Variants in MCC observed in about 807,000 individuals in gnomAD.
The protein encoded by MCC is colorectal mutant cancer protein.
A neutral mutation model predicts 116.2 loss-of-function variants in MCC; 90 were observed. That is an observed-to-expected ratio of 0.77 (90% confidence interval 0.65 to 0.92). MCC has a LOEUF of 0.92. Ranked by LOEUF, MCC falls within the 40% of genes least tolerant of loss-of-function variation. MCC has a pLI of 0.00. For synonymous variants in MCC, 578 were observed against 510.5 expected (o/e 1.13, Z -1.78); for missense variants, 1,516 against 1,312.2 (o/e 1.16, Z -2.40).
intron 11 of MCC, among the ~76,000 whole-genome samples, chr5:113,077,441 A>C (rs1408937423): frequency 1.3e-5 from 2 of 152,366 alleles, no homozygotes; most frequent in African/African-American, 4.8e-5. Flanking sequence ...AAGAATAGAA[A>C]TTATAACAAA....
At chr5:113,449,363 G>T (rs1389116492) in intron 1 of MCC, among the ~76,000 whole-genome samples, 1 of 152,150 alleles carries the variant, frequency 6.6e-6, no homozygotes, top group Non-Finnish European at 1.5e-5. Flanking sequence ...AAGGTGGTTG[G>T]GGAAAGGAAG....
At chr5:113,370,513 G>C (rs1768812254) in intron 2 of MCC, among the ~76,000 whole-genome samples, 1 of 152,122 alleles carries the variant, frequency 6.6e-6, no homozygotes, top group South Asian at 2.1e-4. Flanking sequence ...ACATAGACTA[G>C]ATAGTCTGAT....
intron 3 of MCC, among the ~76,000 whole-genome samples, chr5:113,184,497 T>TTTTTTTTTTTTTTTTTTTTTTA (rs1491319610): frequency 8.5e-6 from 1 of 117,262 alleles, no homozygotes. Flanking sequence ...TTTTTTTTTT[T>TTTTTTTTTTTTTTTTTTTTTTA]GGAGACAGAG....
chr5:113,189,538 G>A (rs1762054522), intron 3 of MCC, among the ~76,000 whole-genome samples: 1 of 152,172 alleles, frequency 6.6e-6, no homozygotes, highest in Non-Finnish European at 1.5e-5. Flanking sequence ...TTGCTTAAAA[G>A]CAGTGTTGGA....
In MCC at chr5:113,391,663, G is replaced by A. The variant is rs888738358; in HGVS notation, c.171-6451C>T. 6.6e-5 allele frequency among the ~76,000 whole-genome samples: 10 copies of A among 151,992 alleles called. No homozygotes were observed. The East Asian group carries it at 1.4e-3, about 21-fold the overall frequency. ...AGTCCAGGAGTTTGGAGGCTGCAGCGAGCTATGATTGTACTACTGCACTCC... is the reference window on the plus strand; with the variant it reads ...AGTCCAGGAGTTTGGAGGCTGCAGCAAGCTATGATTGTACTACTGCACTCC... On this transcript the variant is annotated intron_variant, in intron 1 of 18. Coordinates refer to ENST00000408903, the MANE Select transcript of MCC (RefSeq NM_001085377.2).
chr5:113,302,975 T>G (rs1420728957), intron 3 of MCC, among the ~76,000 whole-genome samples: 1 of 152,142 alleles, frequency 6.6e-6, no homozygotes, highest in Admixed American at 6.6e-5. Context: ...GATGTATTTT[T>G]TAGGTAAAAC....
intron 1 of MCC, among the ~76,000 whole-genome samples, chr5:113,473,143 T>G (rs1191726030): frequency 2.6e-5 from 4 of 152,214 alleles, no homozygotes. Context: ...ACCCAGTAAC[T>G]AACCATAGAG....
At chr5:113,073,836 C>A (rs556942502) in intron 11 of MCC, among the ~76,000 whole-genome samples, 1 of 152,286 alleles carries the variant, frequency 6.6e-6, no homozygotes, top group East Asian at 1.9e-4. Context: ...GGGGGACGGG[C>A]GTCCGCCACT....
intron 13 of MCC, among the ~76,000 whole-genome samples, chr5:113,067,091 C>T (rs1256400135): frequency 3.9e-5 from 6 of 152,168 alleles, no homozygotes; most frequent in Admixed American, 1.3e-4. Context: ...CAAATGCTGC[C>T]GCTTCCTAGA....
Position 113,192,085 on chromosome 5 carries a change from T to C in MCC, c.628-40663A>G, listed in dbSNP as rs546596724. 3.0e-3 allele frequency among the ~76,000 whole-genome samples: 457 copies of C among 152,332 alleles called. 3 individuals are homozygous for C. The highest frequency in any genetic ancestry group is 5.6e-3 in the Non-Finnish European group (380 of 68,020). ...CACTACAGAACTAGAAGATGATGTT[T>C]ATGTCACTTTTTGAGCTTAGATCTC... On this transcript the variant is annotated intron_variant, in intron 3 of 18. Transcript: ENST00000408903.
intron 1 of MCC, among the ~76,000 whole-genome samples, chr5:113,464,704 C>T (rs939668127): frequency 9.2e-5 from 14 of 151,804 alleles, no homozygotes; most frequent in African/African-American, 3.1e-4. Context: ...AGAAGAGTCA[C>T]TAGTACATAG....
At chr5:113,207,930 T>G (rs1169815402) in intron 3 of MCC, among the ~76,000 whole-genome samples, 1 of 152,140 alleles carries the variant, frequency 6.6e-6, no homozygotes, top group African/African-American at 2.4e-5. Context: ...CCTGAGCTAC[T>G]GGGGACTTCA....
At chr5:113,396,148 C>G (rs1208149562) in intron 1 of MCC, among the ~76,000 whole-genome samples, 2 of 151,838 alleles carry the variant, frequency 1.3e-5, no homozygotes, top group African/African-American at 4.8e-5. Context: ...GGCAACATGG[C>G]AAGACCCCAT....
At chr5:113,291,651 A>G (rs1766499614) in intron 3 of MCC, among the ~76,000 whole-genome samples, 1 of 152,188 alleles carries the variant, frequency 6.6e-6, no homozygotes, top group African/African-American at 2.4e-5. Flanking sequence ...AGATGGCACT[A>G]AAGGGGCCCT....
chr5:113,317,863 G>A (rs1240144679), intron 3 of MCC, among the ~76,000 whole-genome samples: 4 of 152,176 alleles, frequency 2.6e-5, no homozygotes, highest in African/African-American at 9.7e-5. Context: ...AGACCATTTT[G>A]TGAATACCAA....
At chr5:113,372,846 T>C (rs1309875163) in intron 2 of MCC, among the ~76,000 whole-genome samples, 1 of 151,788 alleles carries the variant, frequency 6.6e-6, no homozygotes, top group African/African-American at 2.4e-5. Context: ...CATGAGCCAC[T>C]GAGCCCAGCC....
At chr5:113,275,350 A>C (rs922896980) in intron 3 of MCC, among the ~76,000 whole-genome samples, 1 of 152,244 alleles carries the variant, frequency 6.6e-6, no homozygotes, top group Non-Finnish European at 1.5e-5. Context: ...GTACACTTGT[A>C]GTTAGCAACA....
intron 1 of MCC, among the ~76,000 whole-genome samples, chr5:113,421,009 C>A (rs1039515369): frequency 6.6e-6 from 1 of 151,094 alleles, no homozygotes; most frequent in African/African-American, 2.4e-5. Flanking sequence ...GTGGAAATTC[C>A]GCAAAAGAAT....
At chr5:113,080,541 A>C (rs1400198809) in intron 11 of MCC, among the ~76,000 whole-genome samples, 1 of 152,204 alleles carries the variant, frequency 6.6e-6, no homozygotes, top group African/African-American at 2.4e-5. Flanking sequence ...TTCTCAGCAA[A>C]CTATCACAAG....
Sources: gnomAD v4.1 joint callset for allele counts (sites outside exome capture counted in the v4.1 genomes callset) on GRCh38, gnomAD v4.1.1 for gene constraint, MANE v1.5 for transcripts, NCBI Gene and HGNC (gene_info 2026-07-23, HGNC 2026-07-21) for gene names.